The following GALNT10 variants were observed in gnomAD, a reference collection of about 807,000 sequenced individuals.
The protein encoded by GALNT10 is GalNAc transferase 10.
In GALNT10, 41 loss-of-function variants were observed where a neutral mutation model predicts 75.0. The observed-to-expected ratio is 0.55, with a 90% CI of 0.43 to 0.71. GALNT10 has a LOEUF of 0.71. Among genes scored for constraint, GALNT10 ranks in the 30% least tolerant of loss-of-function variants. The pLI is 0.00. For synonymous variants in GALNT10, 302 were observed against 313.0 expected, an observed-to-expected ratio of 0.96 and a Z score of 0.37; for missense variants, 727 against 818.5, an observed-to-expected ratio of 0.89 and a Z score of 1.36.
At chr5:154,215,782 C>G (rs1752861098) in intron 1 of GALNT10, among the ~76,000 whole-genome samples, 1 of 152,196 alleles carries the variant, frequency 6.6e-6, no homozygotes, top group Non-Finnish European at 1.5e-5. Flanking sequence ...GTTTGAACTA[C>G]TTGTTCAAGG....
intron 3 of GALNT10, among the ~76,000 whole-genome samples, chr5:154,318,413 T>C (rs1030331065): frequency 2.0e-5 from 3 of 150,122 alleles, no homozygotes; most frequent in Non-Finnish European, 4.4e-5. Context: ...ATACAATTAA[T>C]AGGATTGATA....
intron 1 of GALNT10, among the ~76,000 whole-genome samples, chr5:154,201,846 T>C (rs1236154648): frequency 1.3e-5 from 2 of 151,992 alleles, no homozygotes; most frequent in African/African-American, 4.8e-5. Context: ...GGAGAATCAT[T>C]TGAAGCTGGG....
chr5:154,259,469 A>T (rs533522333), intron 1 of GALNT10, among the ~76,000 whole-genome samples: 1 of 152,180 alleles, frequency 6.6e-6, no homozygotes, highest in South Asian at 2.1e-4. Context: ...TTTGCAATTA[A>T]TAGGTATCTT....
chr5:154,283,167 G>A (rs1422370817), intron 1 of GALNT10, among the ~76,000 whole-genome samples: 10 of 151,756 alleles, frequency 6.6e-5, no homozygotes, highest in Non-Finnish European at 1.3e-4. Flanking sequence ...AGAGAGGCTG[G>A]GCATGATGGC....
intron 1 of GALNT10, among the ~76,000 whole-genome samples, chr5:154,224,638 T>C (rs1175189139): frequency 6.6e-6 from 1 of 152,232 alleles, no homozygotes; most frequent in Non-Finnish European, 1.5e-5. Flanking sequence ...CATTCATTCA[T>C]CCAAACATTT....
intron 1 of GALNT10, among the ~76,000 whole-genome samples, chr5:154,213,113 A>G (rs908533095): frequency 6.6e-6 from 1 of 152,170 alleles, no homozygotes; most frequent in Non-Finnish European, 1.5e-5. Flanking sequence ...AAACTATTCA[A>G]TGTTCTCAGC....
At chr5:154,295,916 A>G (rs1561653240) in intron 2 of GALNT10, among the ~76,000 whole-genome samples, 2 of 152,214 alleles carry the variant, frequency 1.3e-5, no homozygotes, top group South Asian at 4.1e-4. Flanking sequence ...TTTTATCTCC[A>G]TTAAAGCCTC....
intron 2 of GALNT10, among the ~76,000 whole-genome samples, chr5:154,297,052 G>A (rs530067971): frequency 2.0e-5 from 3 of 152,192 alleles, no homozygotes; most frequent in Non-Finnish European, 4.4e-5. Flanking sequence ...TTTTTAACCC[G>A]TTGATTTTAT....
rs534200070 is a variant in GALNT10, at chr5:154,363,124, T to A, written c.569-13153T>A. Among the ~76,000 whole-genome samples, 13 of 152,226 alleles carry A rather than the reference T, an allele frequency of 8.5e-5. No homozygotes were observed. The South Asian group carries it at 2.5e-3, about 29-fold the overall frequency. On this transcript the variant is annotated intron_variant, in intron 4 of 11. Coordinates refer to ENST00000297107, the MANE Select transcript of GALNT10 (RefSeq NM_198321.4). The stretch of plus-strand genomic sequence containing the variant: ...TACATGTACTGTTATAGAAAGATGA[T>A]TTTGGCATATTGTCAACTGGACAAA...
At chr5:154,248,611 G>A (rs1357533937) in intron 1 of GALNT10, among the ~76,000 whole-genome samples, 1 of 152,188 alleles carries the variant, frequency 6.6e-6, no homozygotes, top group African/African-American at 2.4e-5. Flanking sequence ...GATGTTTATA[G>A]TATTCTCTGA....
At chr5:154,304,981 A>G (rs552134044) in intron 3 of GALNT10, among the ~76,000 whole-genome samples, 23 of 152,198 alleles carry the variant, frequency 1.5e-4, no homozygotes, top group Admixed American at 4.6e-4. Flanking sequence ...TATGGCAGAA[A>G]AAGCAAGGAA....
intron 7 of GALNT10, among the ~76,000 whole-genome samples, chr5:154,393,202 T>C (rs762487363): frequency 5.9e-5 from 9 of 151,668 alleles, no homozygotes; most frequent in Non-Finnish European, 1.0e-4. Flanking sequence ...GCCTCCCAAA[T>C]AGCTGGGACT....
In GALNT10 at chr5:154,407,879, A is replaced by G. The variant is rs7722982; in HGVS notation, c.1165-1662A>G. On this transcript the variant is annotated intron_variant, in intron 8 of 11. Coordinates refer to ENST00000297107, the MANE Select transcript of GALNT10 (RefSeq NM_198321.4). ...AAATTCAGCTGTTTCCTGGTCCCCA[A>G]CTCAGAGCCAGCAAAATGGGGGAAC... Among the ~76,000 whole-genome samples, 1,077 of 152,248 alleles carry G rather than the reference A, an allele frequency of 7.1e-3. 13 individuals are homozygous for G. Among genetic ancestry groups the G allele is most frequent in the African/African-American group, 0.025 (1,037 of 41,526 alleles).
intron 4 of GALNT10, among the ~76,000 whole-genome samples, chr5:154,332,496 A>G (rs1318922375): frequency 1.3e-5 from 2 of 152,074 alleles, no homozygotes; most frequent in Non-Finnish European, 2.9e-5. Flanking sequence ...TCCCATCATC[A>G]TTTAGGCTGC....
chr5:154,385,013 G>A (rs1182545999), intron 6 of GALNT10, among the ~76,000 whole-genome samples: 2 of 152,230 alleles, frequency 1.3e-5, no homozygotes, highest in Non-Finnish European at 1.5e-5. Flanking sequence ...AGTCCTGCCT[G>A]TGCTGTAAAG....
intron 2 of GALNT10, among the ~76,000 whole-genome samples, chr5:154,296,991 T>G (rs1193637595): frequency 6.6e-6 from 1 of 152,256 alleles, no homozygotes; most frequent in Non-Finnish European, 1.5e-5. Context: ...ATGTTTACTT[T>G]GCAGAGTAAA....
intron 7 of GALNT10, among the ~76,000 whole-genome samples, chr5:154,399,597 T>C (rs1582012585): frequency 2.0e-5 from 3 of 152,190 alleles, no homozygotes; most frequent in African/African-American, 7.2e-5. Flanking sequence ...AAAAGACAGT[T>C]CATCCCTGGA....
At chr5:154,406,721 C>T (rs1012368400) in intron 8 of GALNT10, among the ~76,000 whole-genome samples, 10 of 152,090 alleles carry the variant, frequency 6.6e-5, no homozygotes, top group African/African-American at 1.9e-4. Flanking sequence ...GGCTTGAACC[C>T]GGGAGGCGGA....
At chr5:154,231,593 T>C (rs181844198) in intron 1 of GALNT10, among the ~76,000 whole-genome samples, 1 of 152,326 alleles carries the variant, frequency 6.6e-6, no homozygotes, top group Admixed American at 6.5e-5. Context: ...TTAGTCCTGT[T>C]AACTATCAAG....
Sources: allele counts gnomAD v4.1 joint callset (sites outside exome capture counted in the v4.1 genomes callset), GRCh38; gene constraint gnomAD v4.1.1; transcripts MANE v1.5; gene names NCBI Gene and HGNC (gene_info 2026-07-23, HGNC 2026-07-21).